MTA3: variants seen among roughly 807,000 people sequenced by gnomAD.
MTA3 encodes the protein metastasis associated 1 family member 3, also known as metastasis-associated protein MTA3.
A neutral mutation model predicts 83.5 loss-of-function variants in MTA3; 34 were observed. The ratio of observed to expected loss-of-function variants is 0.41; its 90% CI spans 0.31 to 0.54. The LOEUF (loss-of-function observed/expected upper bound fraction) is 0.54, where lower values mean the gene tolerates loss of function less well. MTA3 is among the 20% of genes least tolerant of loss of function. MTA3 has a pLI of 0.33. For synonymous variants in MTA3, 303 were observed against 252.7 expected (o/e 1.20, Z -1.89); for missense variants, 761 against 726.4 (o/e 1.05, Z -0.55).
In MTA3 at chr2:42,656,241, G is replaced by C. The variant is rs887545705; in HGVS notation, c.541G>C (p.Val181Leu). 5 of 1,613,706 alleles carry C rather than the reference G, an allele frequency of 3.1e-6. No individual in the cohort carries two copies. Among genetic ancestry groups the C allele is most frequent in the Non-Finnish European group, 4.2e-6 (5 of 1,179,796 alleles). ...GGAACAATCAAAATTGGAAGTTAAA[G>C]TTTGGGATCCAAATAGCCCACTTAC... ...EREQSKLEVKVWDPNSPLTDR... is the reference protein window; with the variant it reads ...EREQSKLEVKLWDPNSPLTDR... Residue 181 changes from valine (V) to leucine (L), a missense_variant, in exon 7 of 17, where the codon GTT becomes CTT. Coordinates refer to ENST00000405094, the MANE Select transcript of MTA3 (RefSeq NM_001330442.2).
chr2:42,663,727 T>C (rs1215916343), intron 8 of MTA3, among the ~76,000 whole-genome samples: 1 of 152,210 alleles, frequency 6.6e-6, no homozygotes, highest in Non-Finnish European at 1.5e-5. Flanking sequence ...ATCATCCCAA[T>C]GTAGGCAACA....
chr2:42,581,583 A>G (rs1033691159), intron 3 of MTA3, among the ~76,000 whole-genome samples: 4 of 147,492 alleles, frequency 2.7e-5, no homozygotes, highest in Non-Finnish European at 4.5e-5. Flanking sequence ...GGGTCTTGTT[A>G]TGTTGCCAGG....
rs117116699 is a variant in MTA3, at chr2:42,628,954, G to T, written c.318-11219G>T. Among the ~76,000 whole-genome samples, 17 of 152,266 alleles carry T rather than the reference G, an allele frequency of 1.1e-4. No homozygotes were observed. The East Asian group carries it at 2.7e-3, about 24-fold the overall frequency. ...ATACTGGGCAAAGAAATAGTCGGTAGATGGGAGTAGATTGGAATAGATTGC... is the reference window on the plus strand; with the variant it reads ...ATACTGGGCAAAGAAATAGTCGGTATATGGGAGTAGATTGGAATAGATTGC... On this transcript the variant is annotated intron_variant, in intron 4 of 16. Transcript: ENST00000405094.
chr2:42,555,636 C>A (rs1677347888), intron 2 of MTA3, among the ~76,000 whole-genome samples: 1 of 147,960 alleles, frequency 6.8e-6, no homozygotes, highest in Non-Finnish European at 1.5e-5. Flanking sequence ...GGTGTGGTGG[C>A]AGGCGCCTGT....
intron 14 of MTA3, among the ~76,000 whole-genome samples, chr2:42,711,212 T>C (rs1157957619): frequency 6.6e-6 from 1 of 152,212 alleles, no homozygotes. Flanking sequence ...AGCAACTCAG[T>C]TGGCTGCTGA....
At chr2:42,616,968 A>G (rs371643585) in intron 4 of MTA3, among the ~76,000 whole-genome samples, 2 of 152,178 alleles carry the variant, frequency 1.3e-5, no homozygotes, top group African/African-American at 4.8e-5. Context: ...CACTCTGAGC[A>G]AGGGTGGCTT....
intron 14 of MTA3, among the ~76,000 whole-genome samples, chr2:42,718,182 G>C (rs747318513): frequency 6.7e-6 from 1 of 149,100 alleles, no homozygotes; most frequent in Non-Finnish European, 1.5e-5. Flanking sequence ...TTGTAGGCAT[G>C]ACCTAGATAA....
intron 16 of MTA3, 140 bp from the exon 17 acceptor site, chr2:42,753,234 A>G: frequency 2.1e-6 from 3 of 1,459,036 alleles, no homozygotes; most frequent in African/African-American, 1.4e-5. Flanking sequence ...TGGCCTAGTC[A>G]TGAGATTTTC....
chr2:42,548,843 T>TA (rs1260064482), intron 2 of MTA3, among the ~76,000 whole-genome samples: 147 of 8,360 alleles, frequency 0.018, 2 homozygotes, highest in Middle Eastern at 0.1. Context: ...TATATATATA[T>TA]ATAATATATA....
intron 3 of MTA3, among the ~76,000 whole-genome samples, chr2:42,580,117 A>G (rs1293249081): frequency 6.6e-6 from 1 of 151,756 alleles, no homozygotes; most frequent in Non-Finnish European, 1.5e-5. Flanking sequence ...CTAATTTTAA[A>G]AAAGCGTGTT....
At chr2:42,635,969 T>C (rs1573409061) in intron 4 of MTA3, among the ~76,000 whole-genome samples, 1 of 152,130 alleles carries the variant, frequency 6.6e-6, no homozygotes, top group African/African-American at 2.4e-5. Context: ...TTTCACCATG[T>C]TGCCCAGGCT....
At chr2:42,725,194 T>C (rs903596335) in intron 16 of MTA3, among the ~76,000 whole-genome samples, 2 of 152,252 alleles carry the variant, frequency 1.3e-5, no homozygotes, top group African/African-American at 4.8e-5. Flanking sequence ...ATTGTATCTC[T>C]GTGCTTAGCA....
intron 6 of MTA3, among the ~76,000 whole-genome samples, chr2:42,650,783 A>G (rs887442281): frequency 2.4e-4 from 37 of 152,324 alleles, no homozygotes; most frequent in African/African-American, 8.7e-4. Context: ...CTGTTGCCAT[A>G]TATTGTAATC....
At chr2:42,508,568 A>G (rs981646297) in intron 2 of MTA3, among the ~76,000 whole-genome samples, 2 of 151,700 alleles carry the variant, frequency 1.3e-5, no homozygotes, top group Non-Finnish European at 2.9e-5. Context: ...CTTGGCCTCA[A>G]GCAGTCCTCC....
intron 2 of MTA3, among the ~76,000 whole-genome samples, chr2:42,575,924 G>A (rs1032500400): frequency 3.3e-5 from 5 of 152,104 alleles, no homozygotes; most frequent in Non-Finnish European, 7.3e-5. Context: ...ATGTAATAGC[G>A]AGTTTCTGGG....
At chr2:42,729,187 G>A (rs769281535) in intron 16 of MTA3, among the ~76,000 whole-genome samples, 3 of 135,594 alleles carry the variant, frequency 2.2e-5, no homozygotes, top group African/African-American at 5.4e-5. Flanking sequence ...TCTACCTTCC[G>A]GGGGGTTCAT....
chr2:42,609,955 C>A (rs1198076803), intron 4 of MTA3, among the ~76,000 whole-genome samples: 1 of 152,088 alleles, frequency 6.6e-6, no homozygotes, highest in Non-Finnish European at 1.5e-5. Context: ...AAAAAATTAG[C>A]TGGGCGTGGT....
chr2:42,626,554 C>G (rs531963893), intron 4 of MTA3, among the ~76,000 whole-genome samples: 6 of 151,808 alleles, frequency 4.0e-5, no homozygotes, highest in Non-Finnish European at 7.4e-5. Context: ...CCTCGGCCCC[C>G]CAAAGTGCTG....
At chr2:42,616,412 A>C (rs1573303391) in intron 4 of MTA3, among the ~76,000 whole-genome samples, 1 of 118,982 alleles carries the variant, frequency 8.4e-6, no homozygotes. Flanking sequence ...ATTCTTGAAG[A>C]TCTCTTGTCT....
Sources: allele counts gnomAD v4.1 joint callset (sites outside exome capture counted in the v4.1 genomes callset), GRCh38; gene constraint gnomAD v4.1.1; transcripts MANE v1.5; gene names NCBI Gene and HGNC (gene_info 2026-07-23, HGNC 2026-07-21).